BCL9L: variants seen among roughly 807,000 people sequenced by gnomAD.
BCL9L encodes the protein B-cell CLL/lymphoma 9-like protein.
BCL9L carries 19 observed loss-of-function variants against 99.4 expected under a neutral mutation model. The observed-to-expected ratio is 0.19, with a 90% CI of 0.13 to 0.28. BCL9L has a LOEUF of 0.28. Among genes scored for constraint, BCL9L ranks in the 10% least tolerant of loss-of-function variants. The pLI is 1.00. For synonymous variants in BCL9L, 900 were observed against 854.8 expected (o/e 1.05, Z -0.92); for missense variants, 2,023 against 2,101.6 (o/e 0.96, Z 0.73).
Position 118,909,912 on chromosome 11 carries a change from A to AC in BCL9L, c.26+1dup. On this transcript the variant is annotated splice_donor_variant, in intron 3 of 9. Transcript: ENST00000683865. LOFTEE classifies it high-confidence loss of function. ...ATCCCACCCGCCACGACACCCACAC[A>AC]CCTTGTCTTGTTAGCCAGGATCCTC... is the stretch of plus-strand genomic sequence containing the variant. 6.2e-7 allele frequency: 1 copy of AC among 1,613,286 alleles called. No homozygotes were observed. The highest frequency in any genetic ancestry group is 2.2e-5 in the East Asian group (1 of 44,822).
At chr11:118,909,842 CCCA>C in intron 3 of BCL9L, 69 bp downstream of exon 3, 10 of 1,611,534 alleles carry the variant, frequency 6.2e-6, no homozygotes, top group Non-Finnish European at 8.5e-6. Flanking sequence ...CAGCTTGGGC[CCCA>C]TCACCACTGG....
intron 2 of BCL9L, 97 bp from the exon 3 acceptor site, chr11:118,910,112 G>A: frequency 9.8e-6 from 8 of 820,240 alleles, no homozygotes; most frequent in South Asian, 1.6e-5. Flanking sequence ...TGGGACTAGG[G>A]AGCTGGATAG....
intron 1 of BCL9L, among the ~76,000 whole-genome samples, chr11:118,923,425 C>T (rs1325568292): frequency 1.3e-5 from 2 of 152,116 alleles, no homozygotes; most frequent in Non-Finnish European, 2.9e-5. Flanking sequence ...GTCATGGGTA[C>T]CCAACACAGA....
At position 118,898,458 on chromosome 11, in the gene BCL9L, C is replaced by G; in HGVS notation, c.4457G>C (p.Gly1486Ala). 1.9e-6 allele frequency: 3 copies of G among 1,606,764 alleles called. No individual in the cohort carries two copies. The highest frequency in any genetic ancestry group is 2.6e-6 in the Non-Finnish European group (3 of 1,174,850). ...CATGCCGCCTGGTGCCGGGAGGTAG[C>G]CCATCTGGCTGTCCAGGGACACACT... ...QRSVSLDSQM[G>A]YLPAPGGMAN... The change falls in exon 10 of 10, where the codon GGC becomes GCC. Residue 1486 changes from glycine to alanine, a missense_variant. Coordinates refer to ENST00000683865, the MANE Select transcript of BCL9L (RefSeq NM_001378213.1).
At position 118,907,549 on chromosome 11, in the gene BCL9L, T is replaced by C. The variant is rs1267449175; in HGVS notation, c.466A>G (p.Ser156Gly). Residue 156 changes from serine to glycine, a missense_variant, in exon 5 of 10, where the codon AGT (serine) becomes GGT (glycine). Physicochemically the swap from Ser to Gly is moderately conservative, Grantham distance 56 (BLOSUM62 0). This residue lies in a region of BCL9L where 1,116 missense variants were observed against 1,194.6 expected (regional missense o/e 0.93). Transcript: ENST00000683865. ...GGTCCAGAGCACCATTCGTCCCCAC[T>C]GTACGGCTGCTTCCGCTCCAGCACA... ...RCVLERKQPYSGDEWCSGPDS... is the reference protein window; with the variant it reads ...RCVLERKQPYGGDEWCSGPDS... The C allele has an allele frequency of 6.2e-7, 1 of 1,614,140 alleles. No individual in the cohort carries two copies. Among genetic ancestry groups the C allele is most frequent in the Non-Finnish European group, 8.5e-7 (1 of 1,180,030 alleles).
rs549681744 is a variant in BCL9L at position 118,900,740 on chromosome 11, C to T, written c.3003G>A (p.Ala1001=). The change falls in exon 8 of 10, where the codon GCG becomes GCA. Residue 1001 remains alanine, a synonymous_variant. Transcript: ENST00000683865. The surrounding 1 kb of genome is among the most constrained non-coding windows in gnomAD (Gnocchi z 5.3). ...SPSRLKSPSM[A]VPSPGWVASP... ...AGGCAACCCAGCCTGGAGAAGGCACCGCCATGGAAGGAGACTTGAGCCTGC... is the reference window on the plus strand; with the variant it reads ...AGGCAACCCAGCCTGGAGAAGGCACTGCCATGGAAGGAGACTTGAGCCTGC... 6 of 1,613,820 alleles carry T rather than the reference C, an allele frequency of 3.7e-6. No homozygotes were observed. The highest frequency in any genetic ancestry group is 2.7e-5 in the African/African-American group (2 of 75,020).
At chr11:118,918,762 C>T (rs1025104804) in intron 2 of BCL9L, 64 bp downstream of exon 2, 2 of 152,100 alleles carry the variant, frequency 1.3e-5, no homozygotes, top group Non-Finnish European at 2.9e-5. Flanking sequence ...CAGGGTGACG[C>T]GGCCGCCGCG....
At chr11:118,915,273 A>T (rs79157249) in intron 2 of BCL9L, among the ~76,000 whole-genome samples, 10,835 of 152,252 alleles carry the variant, frequency 0.071, 497 homozygotes, top group Middle Eastern at 0.13. Context: ...AGAGTGAGGT[A>T]ACAGTAGTGA....
intron 3 of BCL9L, among the ~76,000 whole-genome samples, chr11:118,909,582 A>G (rs888167316): frequency 6.6e-6 from 1 of 152,132 alleles, no homozygotes; most frequent in Admixed American, 6.5e-5. Flanking sequence ...CTGAGGCCAG[A>G]GGCGGCCTTC....
chr11:118,920,978 C>T (rs781567233), intron 1 of BCL9L, among the ~76,000 whole-genome samples: 1 of 152,164 alleles, frequency 6.6e-6, no homozygotes, highest in Non-Finnish European at 1.5e-5. Context: ...TGTGTGTGCC[C>T]GCACACGCAC....
chr11:118,909,907 C>T lies in BCL9L; in HGVS notation c.26+7G>A. The T allele has an allele frequency of 1.2e-6, 2 of 1,614,084 alleles. No individual in the cohort carries two copies. Among genetic ancestry groups the T allele is most frequent in the East Asian group, 2.2e-5 (1 of 44,862 alleles). Reference sequence around the variant, plus strand: ...CACACATCCCACCCGCCACGACACCCACACACCTTGTCTTGTTAGCCAGGA... The same window carrying T: ...CACACATCCCACCCGCCACGACACCTACACACCTTGTCTTGTTAGCCAGGA... On this transcript the variant is annotated splice_region_variant and intron_variant, in intron 3 of 9. Transcript: ENST00000683865.
At position 118,902,181 on chromosome 11, in the gene BCL9L, C is replaced by T. The variant is rs747301969; in HGVS notation, c.1562G>A (p.Arg521His). The T allele has an allele frequency of 3.1e-6, 5 of 1,614,112 alleles. No homozygotes were observed. Among genetic ancestry groups the T allele is most frequent in the African/African-American group, 1.3e-5 (1 of 75,058 alleles). ...DSLTPEQVAW[R>H]KLQEEYYEEK... ...TTCGTAGTACTCCTCCTGCAGCTTG[C>T]GCCAGGCCACCTGCTCAGGCGTGAG... The change falls in exon 8 of 10, where the codon CGC (arginine) becomes CAC (histidine). Residue 521 changes from arginine to histidine, a missense_variant. By Grantham distance (29) the Arg-to-His change is conservative. Transcript: ENST00000683865. This position sits in a 1 kb window ranked among gnomAD's most constrained non-coding sequence, Gnocchi z 7.8.
chr11:118,915,108 T>G (rs1940925143), intron 2 of BCL9L, among the ~76,000 whole-genome samples: 1 of 151,920 alleles, frequency 6.6e-6, no homozygotes, highest in South Asian at 2.1e-4. Context: ...CACTCCAGCC[T>G]GGGCAACAGA....
At position 118,897,845 on chromosome 11, in the gene BCL9L, C is replaced by T. The variant is rs1485717561; in HGVS notation, c.*570G>A. ...AAGCGCAGCGCTCTATTTACAGCTC[C>T]GGCTGGCACCTGCCCACCTGGCCAG... On this transcript the variant is annotated 3_prime_UTR_variant, in exon 10 of 10. Transcript: ENST00000683865. The T allele has an allele frequency of 1.3e-5, 6 of 456,850 alleles. No homozygotes were observed. The highest frequency in any genetic ancestry group is 2.0e-5 in the African/African-American group (1 of 50,170). 28.3% of individuals were successfully genotyped at this position (456,850 alleles called of 1,614,324 possible). A position where few individuals can be genotyped will look rare whatever the true frequency, so the allele number is the denominator to read the frequency against.
chr11:118,900,099 G>T lies in BCL9L; in HGVS notation c.3224C>A (p.Pro1075Gln). The T allele has an allele frequency of 6.2e-7, 1 of 1,614,014 alleles. No individual in the cohort carries two copies. Among genetic ancestry groups the T allele is most frequent in the Non-Finnish European group, 8.5e-7 (1 of 1,179,962 alleles). ...MNPSLPFTSS[P>Q]DPTPSQNPLS... is the part of the protein sequence containing the mutation. ...GGGGTTCTGGGAAGGTGTGGGGTCT[G>T]GGGAGGAAGTGAATGGTAGGCTGGG... The change falls in exon 9 of 10, where the codon CCA becomes CAA. Residue 1075 changes from proline to glutamine, a missense_variant. Around this residue, in one of 3 missense-constraint regions of BCL9L, gnomAD observed 902 missense variants for 888.2 expected, o/e 1.02. Transcript: ENST00000683865. The surrounding 1 kb of genome is among the most constrained non-coding windows in gnomAD (Gnocchi z 5.3).
chr11:118,911,334 G>A (rs2134425386), intron 2 of BCL9L: 1 of 448,206 alleles, frequency 2.2e-6, no homozygotes, highest in South Asian at 1.6e-5. Flanking sequence ...GCTGGAGGCT[G>A]GGCGGGGACC....
chr11:118,919,887 T>C (rs1941093546), intron 1 of BCL9L, among the ~76,000 whole-genome samples: 1 of 152,206 alleles, frequency 6.6e-6, no homozygotes, highest in African/African-American at 2.4e-5. Flanking sequence ...TGCAGTGACG[T>C]GTGTGCGTGT....
chr11:118,907,871 G>A (rs1289172403), intron 4 of BCL9L, among the ~76,000 whole-genome samples: 7 of 152,224 alleles, frequency 4.6e-5, no homozygotes, highest in Non-Finnish European at 7.3e-5. Context: ...GGGCTGGAGG[G>A]GAGGGGGAGC....
At chr11:118,916,915 T>C (rs1226808348) in intron 2 of BCL9L, among the ~76,000 whole-genome samples, 1 of 152,204 alleles carries the variant, frequency 6.6e-6, no homozygotes, top group Admixed American at 6.5e-5. Flanking sequence ...GGACGGAATG[T>C]CTTGTTTGCC....
Sources: gnomAD v4.1 joint callset for allele counts (sites outside exome capture counted in the v4.1 genomes callset) on GRCh38, gnomAD v4.1.1 for gene constraint, gnomAD v4.1.1 regional missense constraint, Gnocchi (gnomAD v3.1) non-coding constraint, MANE v1.5 for transcripts, NCBI Gene and HGNC (gene_info 2026-07-23, HGNC 2026-07-21) for gene names.